ASTN2: variants seen among roughly 807,000 people sequenced by gnomAD.
ASTN2 encodes astrotactin-2.
A neutral mutation model predicts 139.8 loss-of-function variants in ASTN2; 54 were observed. The observed-to-expected ratio is 0.39, with a 90% CI of 0.31 to 0.48. The LOEUF is 0.48. ASTN2 is among the 20% of genes least tolerant of loss of function. ASTN2 has a pLI of 0.95. For synonymous variants in ASTN2, 756 were observed against 719.5 expected (o/e 1.05, Z -0.81); for missense variants, 1,565 against 1,725.1 (o/e 0.91, Z 1.64).
chr9:117,332,708 A>G (rs1229658956), intron 1 of ASTN2, among the ~76,000 whole-genome samples: 2 of 152,218 alleles, frequency 1.3e-5, no homozygotes, highest in Non-Finnish European at 2.9e-5. Flanking sequence ...ACACAAATGT[A>G]TATAACCGTA....
intron 19 of ASTN2, among the ~76,000 whole-genome samples, chr9:116,597,128 G>C (rs7470659): frequency 0.44 from 66,717 of 151,608 alleles, 15,499 homozygotes; most frequent in East Asian, 0.7. Context: ...AGAATGTATG[G>C]CTTCCATCTT....
chr9:117,031,583 T>C (rs1213058315), intron 6 of ASTN2, among the ~76,000 whole-genome samples: 2 of 152,074 alleles, frequency 1.3e-5, no homozygotes, highest in East Asian at 1.9e-4. Flanking sequence ...CTAGATAAAT[T>C]TAAAATTATA....
At chr9:116,736,532 C>G (rs904512285) in intron 13 of ASTN2, among the ~76,000 whole-genome samples, 3 of 152,112 alleles carry the variant, frequency 2.0e-5, no homozygotes, top group Non-Finnish European at 4.4e-5. Context: ...TGAGCCCAGA[C>G]AGGATGCAGC....
chr9:116,517,267 C>T (rs1850690076), intron 19 of ASTN2, among the ~76,000 whole-genome samples: 1 of 152,224 alleles, frequency 6.6e-6, no homozygotes, highest in South Asian at 2.1e-4. Context: ...CACTTCACTA[C>T]CCTGCTACCT....
intron 1 of ASTN2, among the ~76,000 whole-genome samples, chr9:117,340,919 C>A (rs530288907): frequency 2.6e-5 from 4 of 152,218 alleles, no homozygotes; most frequent in African/African-American, 4.8e-5. Flanking sequence ...ACTCAATAAC[C>A]ATGTGGGGCC....
Position 116,683,909 on chromosome 9 carries a change from T to C in ASTN2, c.2807-32116A>G, listed in dbSNP as rs115993047. Reference sequence around the variant, plus strand: ...GCTTTTACTGGAATGGCATGCTTCCTTCAAAGAATCAAAATTAATGTATAG... The same window carrying C: ...GCTTTTACTGGAATGGCATGCTTCCCTCAAAGAATCAAAATTAATGTATAG... On this transcript the variant is annotated intron_variant, in intron 16 of 22. Coordinates refer to ENST00000313400, the MANE Select transcript of ASTN2 (RefSeq NM_001365068.1). Among the ~76,000 whole-genome samples, 761 of 152,322 alleles carry C rather than the reference T, an allele frequency of 5.0e-3. 9 individuals are homozygous for C. Among genetic ancestry groups the C allele is most frequent in the African/African-American group, 0.018 (729 of 41,576 alleles).
intron 6 of ASTN2, among the ~76,000 whole-genome samples, chr9:117,017,828 G>A (rs1837760844): frequency 6.6e-6 from 1 of 151,892 alleles, no homozygotes; most frequent in Non-Finnish European, 1.5e-5. Flanking sequence ...CCATGTTTAT[G>A]TGCATACACA....
intron 10 of ASTN2, among the ~76,000 whole-genome samples, chr9:116,970,173 A>C (rs946462090): frequency 1.3e-5 from 2 of 152,202 alleles, no homozygotes; most frequent in East Asian, 1.9e-4. Flanking sequence ...AATTCAGAAT[A>C]ATCAACCTAT....
At chr9:117,206,477 C>A (rs146117941) in intron 3 of ASTN2, among the ~76,000 whole-genome samples, 114 of 152,266 alleles carry the variant, frequency 7.5e-4, no homozygotes, top group Non-Finnish European at 1.3e-3. Flanking sequence ...ATGTGTACTT[C>A]TCACTTCCAC....
intron 4 of ASTN2, among the ~76,000 whole-genome samples, chr9:117,119,096 T>A (rs1366648492): frequency 2.0e-5 from 3 of 152,218 alleles, no homozygotes; most frequent in Non-Finnish European, 4.4e-5. Context: ...AGGCATTCAA[T>A]AAATACTTGT....
In ASTN2 at chr9:116,493,643, T is replaced by C. The variant is rs1849585891; in HGVS notation, c.3356-6143A>G. Among the ~76,000 whole-genome samples the C allele has an allele frequency of 1.3e-5, 2 of 151,280 alleles. 1 individual carries two copies. Among genetic ancestry groups the C allele is most frequent in the South Asian group, 4.2e-4 (2 of 4,802 alleles). Reference sequence around the variant, plus strand: ...CCTTTCAGCAGTCCCTCAATCCTCCTCCTTGTTTCCCCTCTCTCTCTCTTT... The same window carrying C: ...CCTTTCAGCAGTCCCTCAATCCTCCCCCTTGTTTCCCCTCTCTCTCTCTTT... On this transcript the variant is annotated intron_variant, in intron 19 of 22. Coordinates refer to ENST00000313400, the MANE Select transcript of ASTN2 (RefSeq NM_001365068.1).
chr9:116,660,369 GCA>G (rs1014569894), intron 16 of ASTN2, among the ~76,000 whole-genome samples: 16 of 152,182 alleles, frequency 1.1e-4, no homozygotes, highest in Non-Finnish European at 2.2e-4. Flanking sequence ...GGCAGCTATA[GCA>G]CAGTGTTTTG....
At chr9:116,910,144 T>G (rs1428130212) in intron 10 of ASTN2, among the ~76,000 whole-genome samples, 1 of 152,204 alleles carries the variant, frequency 6.6e-6, no homozygotes, top group Non-Finnish European at 1.5e-5. Context: ...GCTAATGCAA[T>G]TTGAAGTCCT....
At position 117,301,436 on chromosome 9, in the gene ASTN2, T is replaced by G. The variant is rs889399375; in HGVS notation, c.443-9923A>C. Among the ~76,000 whole-genome samples the G allele has an allele frequency of 3.3e-5, 5 of 152,328 alleles. No individual in the cohort carries two copies. In the East Asian group the frequency reaches 9.7e-4, roughly 29 times the overall value. ...AAGGGCTTTCATTCATTGTCGCATT[T>G]AGCCCTCATAGGAAACCCACATAGG... On this transcript the variant is annotated intron_variant, in intron 1 of 22. Transcript: ENST00000313400.
intron 1 of ASTN2, among the ~76,000 whole-genome samples, chr9:117,361,206 T>G (rs924716974): frequency 6.6e-6 from 1 of 152,154 alleles, no homozygotes; most frequent in Admixed American, 6.6e-5. Context: ...ACAAAAGAAG[T>G]GGCTTTCCCC....
Position 117,045,320 on chromosome 9 carries a change from A to ATTT in ASTN2, c.1277-5358_1277-5356dup, listed in dbSNP as rs71379252. Among the ~76,000 whole-genome samples the ATTT allele has an allele frequency of 5.9e-3, 867 of 145,860 alleles. 13 individuals are homozygous for ATTT. Among genetic ancestry groups the ATTT allele is most frequent in the African/African-American group, 0.021 (829 of 39,508 alleles). ...TAGCTGCAGATCATATTGCCTGAGT[A>ATTT]TTTTTTTTTTTCCAGAAGGCTGAGG... On this transcript the variant is annotated intron_variant, in intron 5 of 22. Transcript: ENST00000313400.
At chr9:117,124,087 G>A (rs904214931) in intron 4 of ASTN2, among the ~76,000 whole-genome samples, 8 of 152,004 alleles carry the variant, frequency 5.3e-5, no homozygotes, top group South Asian at 2.1e-4. Context: ...GATTAGCCAC[G>A]CCCCCTTCTC....
chr9:116,534,197 A>T (rs986455199), intron 19 of ASTN2, among the ~76,000 whole-genome samples: 2 of 152,000 alleles, frequency 1.3e-5, no homozygotes, highest in African/African-American at 4.8e-5. Flanking sequence ...TCTGTGGGAT[A>T]GGTGGTGATA....
intron 10 of ASTN2, among the ~76,000 whole-genome samples, chr9:116,915,299 C>T (rs1317850008): frequency 1.3e-5 from 2 of 152,214 alleles, no homozygotes; most frequent in Non-Finnish European, 2.9e-5. Context: ...CAGACTAGCA[C>T]ATCAGCACAA....
Sources: allele counts gnomAD v4.1 joint callset (sites outside exome capture counted in the v4.1 genomes callset), GRCh38; gene constraint gnomAD v4.1.1; transcripts MANE v1.5; gene names NCBI Gene and HGNC (gene_info 2026-07-23, HGNC 2026-07-21).